Variants in TOP1MT observed in about 807,000 individuals in gnomAD.
TOP1MT encodes the protein DNA topoisomerase I, mitochondrial.
TOP1MT carries 80 observed loss-of-function variants against 73.9 expected under a neutral mutation model. The observed-to-expected ratio is 1.08, with a 90% CI of 0.90 to 1.30. The LOEUF is 1.30. Among genes scored for constraint, TOP1MT ranks in the 50% most tolerant of loss-of-function variants. The pLI is 0.00. For missense variants in TOP1MT, 815 were observed against 808.0 expected (o/e 1.01, Z -0.10); for synonymous variants, 338 against 326.4 (o/e 1.04, Z -0.38).
At chr8:143,339,727 C>T (rs1284434418), upstream of TOP1MT, among the ~76,000 whole-genome samples, 1 of 151,152 alleles carries the variant, frequency 6.6e-6, no homozygotes, top group African/African-American at 2.4e-5. Flanking sequence ...CCTCCCCCAC[C>T]AGGGACAGGG....
Position 143,344,396 on chromosome 8 carries a change from T to G in TOP1MT, c.-39+520A>C, listed in dbSNP as rs2130429050. 6.6e-6 allele frequency: 1 copy of G among 152,188 alleles called. No individual in the cohort carries two copies. Among genetic ancestry groups the G allele is most frequent in the East Asian group, 1.9e-4 (1 of 5,158 alleles). 9.4% of individuals were successfully genotyped at this position (152,188 alleles called of 1,614,324 possible). A position where few individuals can be genotyped will look rare whatever the true frequency, so the allele number is the denominator to read the frequency against. On this transcript the variant is annotated intron_variant, in intron 1 of 5. Transcript: ENST00000518007. The surrounding 1 kb of genome is among the most constrained non-coding windows in gnomAD (Gnocchi z 4.6). The stretch of plus-strand genomic sequence containing the variant: ...ACCAGAGGGACAGGCTAGGAAGCAC[T>G]CAGTAGCAGTGGCAGGAGCTCAGGA...
In TOP1MT at chr8:143,341,909, CTGT is replaced by C. The variant is rs1817092028; in HGVS notation, c.29+1308_29+1310del. On this transcript the variant is annotated intron_variant, in intron 2 of 5. Transcript: ENST00000518007. The surrounding 1 kb of genome is among the most constrained non-coding windows in gnomAD (Gnocchi z 4.1). ...TTCTTATTAGCGACAGAGTCTCACT[CTGT>C]TATTATTATTATTATTGAGACAGAG... is the stretch of plus-strand genomic sequence containing the variant. Among the ~76,000 whole-genome samples the C allele has an allele frequency of 6.6e-6, 1 of 151,926 alleles. No individual in the cohort carries two copies. The highest frequency in any genetic ancestry group is 2.1e-4 in the South Asian group (1 of 4,822).
At position 143,353,963 on chromosome 8, in the gene TOP1MT, C is replaced by A. The variant is rs1478615792; in HGVS notation, c.-39+2002G>T. 9.1e-3 allele frequency among the ~76,000 whole-genome samples: 433 copies of A among 47,610 alleles called. 6 individuals are homozygous for A. Among genetic ancestry groups the A allele is most frequent in the African/African-American group, 0.028 (267 of 9,382 alleles). The allele number at this position is 47,610 out of a possible 152,430, so 31.2% of individuals were successfully genotyped here. ...TGGGCGACAAAGAGAGACTCCATCC[C>A]AAAAAAAAAAAAAAAAAAAAAAAAA... On this transcript the variant is annotated intron_variant, in intron 1 of 5. Coordinates refer to the TOP1MT transcript ENST00000518760.
intron 8 of TOP1MT, among the ~76,000 whole-genome samples, chr8:143,318,898 G>A (rs950211934): frequency 8.5e-5 from 13 of 152,326 alleles, no homozygotes; most frequent in African/African-American, 2.9e-4. Context: ...GTTTCACACC[G>A]CTGATCTTGA....
upstream of TOP1MT, among the ~76,000 whole-genome samples, chr8:143,346,914 A>AT (rs1817230536): frequency 6.6e-6 from 1 of 152,144 alleles, no homozygotes; most frequent in Non-Finnish European, 1.5e-5. Flanking sequence ...TTGTCCACTT[A>AT]TGAGGGTAGA....
At chr8:143,324,424 C>A in intron 6 of TOP1MT, 61 bp downstream of exon 6, 1 of 1,609,872 alleles carries the variant, frequency 6.2e-7, no homozygotes, top group Non-Finnish European at 8.5e-7. Context: ...ACACACCTCC[C>A]TGCCGGCGTC....
At position 143,309,523 on chromosome 8, in the gene TOP1MT, G is replaced by A; in HGVS notation, c.1724C>T (p.Pro575Leu). 6.2e-7 allele frequency: 1 copy of A among 1,613,912 alleles called. No homozygotes were observed. Reference protein sequence around the residue: ...SIAWCKRFRVPVEKIYSKTQR... With the variant: ...SIAWCKRFRVLVEKIYSKTQR... The stretch of plus-strand genomic sequence containing the variant: ...TGTTTTGCTGTAGATCTTCTCCACT[G>A]GCACCCTGAACCGCTTGCACCTGCG... The change falls in exon 14 of 14, where the codon CCA (proline) becomes CTA (leucine). Residue 575 changes from proline (P) to leucine (L), a missense_variant. This residue lies in a region of TOP1MT where 751 missense variants were observed against 725.4 expected (regional missense o/e 1.04). Coordinates refer to ENST00000329245, the MANE Select transcript of TOP1MT (RefSeq NM_052963.3).
intron 7 of TOP1MT, among the ~76,000 whole-genome samples, chr8:143,322,165 C>T (rs1188210105): frequency 1.0e-5 from 1 of 96,716 alleles, no homozygotes; most frequent in Non-Finnish European, 2.1e-5. Context: ...ACGCCACACA[C>T]GCATGCCACA....
intron 1 of TOP1MT, chr8:143,332,594 T>G (rs1373203562): frequency 1.6e-5 from 20 of 1,285,526 alleles, no homozygotes; most frequent in Admixed American, 4.6e-5. Context: ...AGGAAGTCTC[T>G]GAAGGGTCTG....
At chr8:143,323,807 C>A (rs1372311874) in intron 7 of TOP1MT, among the ~76,000 whole-genome samples, 192 bp downstream of exon 7, 2 of 151,998 alleles carry the variant, frequency 1.3e-5, no homozygotes, top group East Asian at 1.9e-4. Flanking sequence ...TGCACACACA[C>A]CACACAATGC....
chr8:143,313,524 T>C (rs1009875166), intron 12 of TOP1MT, among the ~76,000 whole-genome samples: 1 of 127,670 alleles, frequency 7.8e-6, no homozygotes, highest in Non-Finnish European at 1.6e-5. Context: ...CACTCTAGCC[T>C]GGGTGACAGA....
chr8:143,347,041 G>C (rs888236431), upstream of TOP1MT, among the ~76,000 whole-genome samples: 4 of 151,586 alleles, frequency 2.6e-5, no homozygotes. Flanking sequence ...CTGGAGTGCA[G>C]TGGTGTGATC....
chr8:143,338,761 G>A (rs112508396), upstream of TOP1MT, among the ~76,000 whole-genome samples: 159 of 152,306 alleles, frequency 1.0e-3, 3 homozygotes, highest in African/African-American at 3.7e-3. Flanking sequence ...TGGGGAGGGC[G>A]TGGAAAAGTG....
chr8:143,357,093 CAA>C (rs36125491), upstream of TOP1MT, among the ~76,000 whole-genome samples: 12 of 89,678 alleles, frequency 1.3e-4, no homozygotes, highest in Admixed American at 1.3e-4. Context: ...GACTCCATCT[CAA>C]AAAAAAAAAA....
Position 143,323,949 on chromosome 8 carries a change from G to C in TOP1MT, c.960+50C>G, listed in dbSNP as rs760045915. The C allele has an allele frequency of 4.4e-6, 7 of 1,602,846 alleles. No individual in the cohort carries two copies. The African/African-American group carries it at 9.4e-5, about 21-fold the overall frequency. On this transcript the variant is annotated intron_variant, in intron 7 of 13. Coordinates refer to ENST00000329245, the MANE Select transcript of TOP1MT (RefSeq NM_052963.3). ...CTGCACCATCCAACTGGGAGTCCTC[G>C]CCAGGAGAACCAGGATGAAGAGCCG...
chr8:143,315,738 G>A lies in TOP1MT; in HGVS notation c.1542C>T (p.Gly514=). The change falls in exon 12 of 14, where the codon GGC becomes GGT. Residue 514 remains glycine (G), a synonymous_variant. Transcript: ENST00000329245. ...GCACGGGTACTCACCTCCTGGACTT[G>A]CCATCCCCTTGGGCTTTGTGCTCAG... The part of the protein sequence containing the change: ...ARAEHKAQGD[G]KSRSVLEKKR... 1.2e-6 allele frequency: 2 copies of A among 1,613,918 alleles called. No homozygotes were observed. The highest frequency in any genetic ancestry group is 1.7e-6 in the Non-Finnish European group (2 of 1,179,906).
chr8:143,322,845 ACG>A (rs1816531763), intron 7 of TOP1MT, among the ~76,000 whole-genome samples: 1 of 87,830 alleles, frequency 1.1e-5, no homozygotes, highest in Non-Finnish European at 2.3e-5. Context: ...CACACCACAC[ACG>A]CACGCAACAC....
At chr8:143,328,819 G>A (rs1332388595) in intron 3 of TOP1MT, among the ~76,000 whole-genome samples, 1 of 152,216 alleles carries the variant, frequency 6.6e-6, no homozygotes, top group Admixed American at 6.5e-5. Flanking sequence ...CGCAGGTGTG[G>A]GGCAGACAGA....
intron 1 of TOP1MT, among the ~76,000 whole-genome samples, chr8:143,351,227 A>G (rs1817314939): frequency 6.6e-6 from 1 of 152,184 alleles, no homozygotes; most frequent in Non-Finnish European, 1.5e-5. Context: ...AAACCCCATT[A>G]CAGCGGCCTC....
Sources: allele counts gnomAD v4.1 joint callset (sites outside exome capture counted in the v4.1 genomes callset), GRCh38; gene constraint gnomAD v4.1.1; regional missense constraint gnomAD v4.1.1; non-coding constraint Gnocchi (gnomAD v3.1); transcripts MANE v1.5; gene names NCBI Gene and HGNC (gene_info 2026-07-23, HGNC 2026-07-21).